The following BMPER variants were observed in gnomAD, a reference collection of about 807,000 sequenced individuals.
The protein encoded by BMPER is BMP-binding endothelial regulator protein.
In BMPER, 45 loss-of-function variants were observed where a neutral mutation model predicts 87.3. That is an observed-to-expected ratio of 0.52 (90% CI 0.41 to 0.66). The LOEUF (loss-of-function observed/expected upper bound fraction) is 0.66, where lower values mean the gene tolerates loss of function less well. BMPER is among the 30% of genes least tolerant of loss of function. The pLI is 0.00. For synonymous variants in BMPER, 326 were observed against 316.2 expected (o/e 1.03, Z -0.33); for missense variants, 784 against 867.5 (o/e 0.90, Z 1.21).
rs138840093 is a variant in BMPER, at chr7:33,908,955, G to A, written c.219+2052G>A. 3.3e-5 allele frequency among the ~76,000 whole-genome samples: 5 copies of A among 152,182 alleles called. No homozygotes were observed. The East Asian group carries it at 7.7e-4, about 23-fold the overall frequency. On this transcript the variant is annotated intron_variant, in intron 2 of 14. Coordinates refer to ENST00000649409, the MANE Select transcript of BMPER (RefSeq NM_001365308.1). The stretch of plus-strand genomic sequence containing the variant: ...GTATAACACTCTTGTACATTTCCAC[G>A]AACCCACTGCAGTTCATGGATTTCA...
chr7:34,118,121 A>G (rs924279566), intron 13 of BMPER, among the ~76,000 whole-genome samples: 6 of 152,216 alleles, frequency 3.9e-5, no homozygotes, highest in Non-Finnish European at 8.8e-5. Context: ...CGAGACCAAC[A>G]TGGTGAAACC....
intron 6 of BMPER, among the ~76,000 whole-genome samples, chr7:34,001,390 C>T (rs910663248): frequency 4.0e-5 from 6 of 151,666 alleles, no homozygotes; most frequent in African/African-American, 1.4e-4. Context: ...AATTTTTCTT[C>T]TTGAGTCAGA....
chr7:33,947,733 G>A (rs1405599512), intron 3 of BMPER, among the ~76,000 whole-genome samples: 2 of 152,110 alleles, frequency 1.3e-5, no homozygotes, highest in Non-Finnish European at 2.9e-5. Context: ...TGTAAAGGGG[G>A]ACTATGAATA....
chr7:34,140,054 T>G (rs914102281), intron 13 of BMPER, among the ~76,000 whole-genome samples: 10 of 152,212 alleles, frequency 6.6e-5, no homozygotes, highest in Non-Finnish European at 7.3e-5. Context: ...ATATGGGTTC[T>G]GAGATCAGAA....
intron 13 of BMPER, among the ~76,000 whole-genome samples, chr7:34,103,136 G>A (rs1789726666): frequency 6.6e-6 from 1 of 152,150 alleles, no homozygotes; most frequent in Non-Finnish European, 1.5e-5. Flanking sequence ...GATGGGGGCT[G>A]GATTTTACTG....
At chr7:34,029,825 T>A (rs1438430817) in intron 6 of BMPER, among the ~76,000 whole-genome samples, 21 of 152,176 alleles carry the variant, frequency 1.4e-4, no homozygotes, top group African/African-American at 4.6e-4. Context: ...AAACCACATG[T>A]CCCACATAAT....
intron 6 of BMPER, among the ~76,000 whole-genome samples, chr7:34,041,793 A>C (rs1403208532): frequency 6.6e-6 from 1 of 151,940 alleles, no homozygotes; most frequent in Non-Finnish European, 1.5e-5. Flanking sequence ...AAAAATAGAG[A>C]ACTCTATTTT....
intron 5 of BMPER, among the ~76,000 whole-genome samples, chr7:33,973,052 C>T (rs961513193): frequency 2.6e-5 from 4 of 152,128 alleles, no homozygotes; most frequent in Admixed American, 6.5e-5. Context: ...AGTTTCTTCC[C>T]GAAGCAGATT....
rs1018747270 is a variant in BMPER, at chr7:33,984,387, A to G, written c.576+9603A>G. Reference sequence around the variant, plus strand: ...AGGCTGAGGCAGGAGAATCACTTCAATCTGGAGGTGGAAGTTGCAGTGAGC... The same window carrying G: ...AGGCTGAGGCAGGAGAATCACTTCAGTCTGGAGGTGGAAGTTGCAGTGAGC... On this transcript the variant is annotated intron_variant, in intron 6 of 14. Coordinates refer to ENST00000649409, the MANE Select transcript of BMPER (RefSeq NM_001365308.1). Among the ~76,000 whole-genome samples the G allele has an allele frequency of 6.6e-5, 10 of 151,972 alleles. No homozygotes were observed. The South Asian group carries it at 8.3e-4, about 13-fold the overall frequency.
chr7:34,054,749 G>A (rs975842074), intron 8 of BMPER, among the ~76,000 whole-genome samples: 2 of 152,144 alleles, frequency 1.3e-5, no homozygotes, highest in African/African-American at 2.4e-5. Context: ...ATGCCTTTAC[G>A]TTAAGTTCCA....
intron 13 of BMPER, among the ~76,000 whole-genome samples, chr7:34,139,429 A>G (rs1308910373): frequency 6.6e-6 from 1 of 152,190 alleles, no homozygotes; most frequent in Non-Finnish European, 1.5e-5. Flanking sequence ...AATATCTTTC[A>G]TGATATTCTT....
intron 13 of BMPER, among the ~76,000 whole-genome samples, chr7:34,089,360 C>A (rs1238061838): frequency 6.6e-6 from 1 of 152,156 alleles, no homozygotes; most frequent in Non-Finnish European, 1.5e-5. Flanking sequence ...CTTACTCTTA[C>A]AACAAATCCC....
chr7:34,090,994 C>T (rs1474126301), intron 13 of BMPER, among the ~76,000 whole-genome samples: 1 of 152,148 alleles, frequency 6.6e-6, no homozygotes, highest in Non-Finnish European at 1.5e-5. Context: ...GAAGTCATGC[C>T]AGAGGATTCA....
At chr7:33,910,668 A>G (rs1233730332) in intron 2 of BMPER, among the ~76,000 whole-genome samples, 1 of 152,168 alleles carries the variant, frequency 6.6e-6, no homozygotes, top group Non-Finnish European at 1.5e-5. Flanking sequence ...GTAGAAATGG[A>G]CCCTTTGCTC....
At chr7:34,090,103 G>T (rs982134365) in intron 13 of BMPER, among the ~76,000 whole-genome samples, 1 of 152,156 alleles carries the variant, frequency 6.6e-6, no homozygotes, top group African/African-American at 2.4e-5. Context: ...GTTACAAACT[G>T]CAGAAAAGTT....
chr7:34,054,484 T>C (rs1354529308), intron 8 of BMPER, among the ~76,000 whole-genome samples: 1 of 152,228 alleles, frequency 6.6e-6, no homozygotes, highest in Non-Finnish European at 1.5e-5. Flanking sequence ...ACAGTAAACC[T>C]GAGAAACAAT....
At chr7:33,994,544 C>A (rs541153954) in intron 6 of BMPER, among the ~76,000 whole-genome samples, 48 of 152,166 alleles carry the variant, frequency 3.2e-4, no homozygotes, top group Non-Finnish European at 5.6e-4. Context: ...GAGATGAACC[C>A]GGTGCCTCAG....
At chr7:34,042,237 A>C (rs1172953223) in intron 6 of BMPER, among the ~76,000 whole-genome samples, 1 of 152,310 alleles carries the variant, frequency 6.6e-6, no homozygotes, top group East Asian at 1.9e-4. Context: ...TTTTGAGAGA[A>C]GCACTTGGAT....
chr7:34,152,311 C>G (rs955135427), intron 14 of BMPER, among the ~76,000 whole-genome samples: 2 of 152,162 alleles, frequency 1.3e-5, no homozygotes, highest in Non-Finnish European at 2.9e-5. Flanking sequence ...GCGGCCCCTT[C>G]AACTGTCACT....
Sources: allele counts gnomAD v4.1 joint callset (sites outside exome capture counted in the v4.1 genomes callset), GRCh38; gene constraint gnomAD v4.1.1; transcripts MANE v1.5; gene names NCBI Gene and HGNC (gene_info 2026-07-23, HGNC 2026-07-21).